The following TMEM132D variants were observed in gnomAD, a reference collection of about 807,000 sequenced individuals.
The protein encoded by TMEM132D is transmembrane protein 132D.
TMEM132D carries 21 observed loss-of-function variants against 62.3 expected under a neutral mutation model. The observed-to-expected ratio is 0.34, with a 90% confidence interval of 0.24 to 0.49. The LOEUF (loss-of-function observed/expected upper bound fraction) is 0.49. Ranked by LOEUF, TMEM132D falls within the 20% of genes least tolerant of loss-of-function variation. The probability of loss-of-function intolerance (pLI) is 0.99; values close to 1 mark genes in which losing one functional copy is unlikely to be tolerated. For synonymous variants in TMEM132D, 621 were observed against 575.6 expected (o/e 1.08, Z -1.13); for missense variants, 1,346 against 1,402.8 (o/e 0.96, Z 0.65).
intron 5 of TMEM132D, among the ~76,000 whole-genome samples, chr12:129,173,584 A>G (rs980751433): frequency 6.6e-6 from 1 of 152,058 alleles, no homozygotes; most frequent in Non-Finnish European, 1.5e-5. Flanking sequence ...CATTAAACCA[A>G]TCTTCTTTTG....
chr12:129,531,730 C>G (rs1485678854), intron 2 of TMEM132D, among the ~76,000 whole-genome samples: 2 of 152,172 alleles, frequency 1.3e-5, no homozygotes, highest in South Asian at 4.1e-4. Context: ...CAATGATGGC[C>G]TCAAGTGATC....
intron 4 of TMEM132D, among the ~76,000 whole-genome samples, chr12:129,235,120 A>C (rs1017547286): frequency 2.0e-5 from 3 of 152,212 alleles, no homozygotes; most frequent in African/African-American, 7.2e-5. Context: ...CCCACAGTAC[A>C]CCAGCCTCCG....
intron 4 of TMEM132D, among the ~76,000 whole-genome samples, chr12:129,335,127 CTTTTTTTTTT>C (rs386378228): frequency 9.6e-6 from 1 of 104,688 alleles, no homozygotes; most frequent in Non-Finnish European, 1.8e-5. Flanking sequence ...CTAATAAGTA[CTTTTTTTTTT>C]TTTTTTTTTT....
intron 2 of TMEM132D, among the ~76,000 whole-genome samples, chr12:129,577,805 G>A (rs1247439489): frequency 1.3e-5 from 2 of 152,184 alleles, no homozygotes; most frequent in Non-Finnish European, 1.5e-5. Flanking sequence ...TCACCTCTGT[G>A]TGTGTGTGTC....
At chr12:129,784,815 C>T (rs1871210717) in intron 1 of TMEM132D, among the ~76,000 whole-genome samples, 1 of 152,162 alleles carries the variant, frequency 6.6e-6, no homozygotes, top group East Asian at 1.9e-4. Flanking sequence ...ATGTAATTTT[C>T]ATGCCACTGT....
intron 4 of TMEM132D, among the ~76,000 whole-genome samples, chr12:129,230,307 A>AGGGGG (rs10668079): frequency 1.4e-5 from 2 of 140,540 alleles, no homozygotes; most frequent in African/African-American, 2.6e-5. Context: ...TCTGTGTTGG[A>AGGGGG]GGGGGGGGGC....
intron 8 of TMEM132D, 35 bp downstream of exon 8, chr12:129,078,499 C>A (rs2135610808): frequency 6.3e-7 from 1 of 1,590,508 alleles, no homozygotes; most frequent in Non-Finnish European, 8.6e-7. Flanking sequence ...TGGTGAGGGA[C>A]CCTGCTGAAG....
intron 1 of TMEM132D, among the ~76,000 whole-genome samples, chr12:129,726,975 C>T (rs1869057292): frequency 6.6e-6 from 1 of 152,172 alleles, no homozygotes; most frequent in Admixed American, 6.5e-5. Flanking sequence ...TGCCTCCCCA[C>T]CTCAGTGTGG....
chr12:129,706,877 A>G (rs1881518352), intron 1 of TMEM132D, among the ~76,000 whole-genome samples: 1 of 151,868 alleles, frequency 6.6e-6, no homozygotes, highest in African/African-American at 2.4e-5. Context: ...CCTTTCCATT[A>G]TACTATATTT....
intron 2 of TMEM132D, among the ~76,000 whole-genome samples, chr12:129,591,022 A>G (rs911855273): frequency 6.6e-6 from 1 of 152,228 alleles, no homozygotes; most frequent in African/African-American, 2.4e-5. Context: ...AGAGAAAAGA[A>G]AGAAAAAGAA....
At chr12:129,835,618 G>T (rs191043631) in intron 1 of TMEM132D, among the ~76,000 whole-genome samples, 1 of 152,192 alleles carries the variant, frequency 6.6e-6, no homozygotes, top group African/African-American at 2.4e-5. Context: ...AAAATCATGC[G>T]CAAAAAAGAC....
At chr12:129,795,180 C>T (rs1424917844) in intron 1 of TMEM132D, among the ~76,000 whole-genome samples, 2 of 152,206 alleles carry the variant, frequency 1.3e-5, no homozygotes, top group Non-Finnish European at 2.9e-5. Flanking sequence ...TTCATCCCTT[C>T]CAGGAGCTGG....
intron 2 of TMEM132D, among the ~76,000 whole-genome samples, chr12:129,675,627 A>C (rs1880609401): frequency 6.6e-6 from 1 of 152,236 alleles, no homozygotes; most frequent in African/African-American, 2.4e-5. Context: ...AAGTTTCCTC[A>C]GGGCAATGAT....
intron 4 of TMEM132D, among the ~76,000 whole-genome samples, chr12:129,242,884 G>A (rs971611800): frequency 6.6e-6 from 1 of 152,202 alleles, no homozygotes. Context: ...GAATATACAA[G>A]TGAATAAAAC....
intron 1 of TMEM132D, among the ~76,000 whole-genome samples, chr12:129,777,718 T>C (rs1870985756): frequency 6.6e-6 from 1 of 152,130 alleles, no homozygotes; most frequent in Admixed American, 6.6e-5. Context: ...TATACCAACT[T>C]TTTACCACCC....
At chr12:129,216,955 T>C (rs1206673134) in intron 4 of TMEM132D, among the ~76,000 whole-genome samples, 2 of 152,224 alleles carry the variant, frequency 1.3e-5, no homozygotes, top group East Asian at 1.9e-4. Context: ...AATTGACTTA[T>C]TTAAATTGAC....
At chr12:129,472,621 C>A (rs1874125664) in intron 3 of TMEM132D, among the ~76,000 whole-genome samples, 2 of 152,024 alleles carry the variant, frequency 1.3e-5, no homozygotes, top group Admixed American at 6.5e-5. Context: ...AAAAACAACC[C>A]CATCAAAAAG....
intron 3 of TMEM132D, among the ~76,000 whole-genome samples, chr12:129,363,670 C>T (rs930562222): frequency 6.6e-6 from 1 of 152,158 alleles, no homozygotes; most frequent in African/African-American, 2.4e-5. Context: ...AGCTATGCCA[C>T]GTCTATGATC....
At chr12:129,088,696 G>GA (rs1244079234) in intron 5 of TMEM132D, among the ~76,000 whole-genome samples, 1 of 48,864 alleles carries the variant, frequency 2.0e-5, no homozygotes, top group African/African-American at 1.4e-4. Flanking sequence ...CTATGACCGG[G>GA]TGTCCTCCCT....
Sources: allele counts gnomAD v4.1 joint callset (sites outside exome capture counted in the v4.1 genomes callset), GRCh38; gene constraint gnomAD v4.1.1; transcripts MANE v1.5; gene names NCBI Gene and HGNC (gene_info 2026-07-23, HGNC 2026-07-21).